MPPED2: variants seen among roughly 807,000 people sequenced by gnomAD.
The protein encoded by MPPED2 is metallophosphoesterase MPPED2.
In MPPED2, 5 loss-of-function variants were observed where a neutral mutation model predicts 33.0. The ratio of observed to expected loss-of-function variants is 0.15; its 90% CI spans 0.08 to 0.32. MPPED2 has a LOEUF of 0.32. Among genes scored for constraint, MPPED2 ranks in the 10% least tolerant of loss-of-function variants. The probability of loss-of-function intolerance (pLI) is 1.00; values close to 1 mark genes in which losing one functional copy is unlikely to be tolerated. For synonymous variants in MPPED2, 136 were observed against 141.9 expected (o/e 0.96, Z 0.29); for missense variants, 275 against 372.1 (o/e 0.74, Z 2.15).
In MPPED2 at chr11:30,403,737, A is replaced by T. The variant is rs558501276; in HGVS notation, c.766+10491T>A. On this transcript the variant is annotated intron_variant, in intron 6 of 6. Coordinates refer to the MPPED2 transcript ENST00000448418. ...GACAGTAGTAGATCCTAAAGATGCCATACTTCGGCTTCTCTCAAGGAATTT... is the reference window on the plus strand; with the variant it reads ...GACAGTAGTAGATCCTAAAGATGCCTTACTTCGGCTTCTCTCAAGGAATTT... 2.0e-5 allele frequency among the ~76,000 whole-genome samples: 3 copies of T among 152,316 alleles called. No homozygotes were observed. In the South Asian group the frequency reaches 6.2e-4, roughly 32 times the overall value.
At chr11:30,402,848 T>C (rs974845352) in intron 6 of MPPED2, among the ~76,000 whole-genome samples, 3 of 152,218 alleles carry the variant, frequency 2.0e-5, no homozygotes, top group Non-Finnish European at 2.9e-5. Context: ...AGTTTCTGAA[T>C]CTCAGAACAC....
intron 4 of MPPED2, among the ~76,000 whole-genome samples, chr11:30,473,230 A>G (rs748988514): frequency 6.6e-6 from 1 of 151,848 alleles, no homozygotes. Flanking sequence ...ATGTATCTCT[A>G]TTTCACCTCT....
At chr11:30,556,930 A>G (rs1955987941) in intron 2 of MPPED2, among the ~76,000 whole-genome samples, 1 of 152,090 alleles carries the variant, frequency 6.6e-6, no homozygotes, top group African/African-American at 2.4e-5. Flanking sequence ...CCCCAAAAGC[A>G]GTGTTGAACC....
chr11:30,398,767 T>C (rs574484703), intron 6 of MPPED2, among the ~76,000 whole-genome samples: 1 of 152,260 alleles, frequency 6.6e-6, no homozygotes, highest in South Asian at 2.1e-4. Flanking sequence ...GAAGTACAAA[T>C]ATGCCAAAGT....
At chr11:30,484,035 C>T (rs1590489846) in intron 4 of MPPED2, among the ~76,000 whole-genome samples, 1 of 152,296 alleles carries the variant, frequency 6.6e-6, no homozygotes, top group East Asian at 1.9e-4. Context: ...GTTGACTCTG[C>T]TCTTCTTTTT....
At chr11:30,438,469 G>T (rs1949419735) in intron 4 of MPPED2, among the ~76,000 whole-genome samples, 1 of 152,200 alleles carries the variant, frequency 6.6e-6, no homozygotes, top group African/African-American at 2.4e-5. Flanking sequence ...ATGCAAAGTT[G>T]TCCAACTTCA....
intron 3 of MPPED2, among the ~76,000 whole-genome samples, chr11:30,500,606 T>C (rs1196359427): frequency 6.6e-6 from 1 of 152,160 alleles, no homozygotes. Context: ...CCTCATGAGT[T>C]TTGGCAAAGA....
intron 2 of MPPED2, among the ~76,000 whole-genome samples, chr11:30,568,920 T>A (rs994688265): frequency 1.3e-5 from 2 of 151,118 alleles, no homozygotes; most frequent in African/African-American, 4.9e-5. Flanking sequence ...AAAGGGCTCA[T>A]TTTTTTTTGT....
chr11:30,467,091 T>C (rs539289632), intron 4 of MPPED2, among the ~76,000 whole-genome samples: 83 of 152,320 alleles, frequency 5.4e-4, no homozygotes, highest in African/African-American at 1.9e-3. Flanking sequence ...CCCCTTTGCC[T>C]CAGGGGTGTT....
At chr11:30,509,294 A>G (rs1953010637) in intron 3 of MPPED2, among the ~76,000 whole-genome samples, 1 of 152,224 alleles carries the variant, frequency 6.6e-6, no homozygotes. Flanking sequence ...GAATAAATGA[A>G]CTATATACAT....
chr11:30,442,951 C>T (rs564743), intron 4 of MPPED2, among the ~76,000 whole-genome samples: 2 of 151,998 alleles, frequency 1.3e-5, no homozygotes, highest in Non-Finnish European at 2.9e-5. Flanking sequence ...TATGATCACA[C>T]CACTGCACGC....
At chr11:30,411,809 T>C (rs1042120584) in intron 6 of MPPED2, among the ~76,000 whole-genome samples, 7 of 152,208 alleles carry the variant, frequency 4.6e-5, no homozygotes, top group African/African-American at 1.7e-4. Context: ...AATTTTTTTT[T>C]CTTTATTTAA....
In MPPED2 at chr11:30,411,454, G is replaced by A; in HGVS notation, c.*14C>T. ...ATAGACCTTCCCTCACATTCCAATA[G>A]GGCATTTAGAGCTTCAGGAACCCTG... On this transcript the variant is annotated 3_prime_UTR_variant, in exon 7 of 7. Transcript: ENST00000358117. 1 of 1,610,748 alleles carries A rather than the reference G, an allele frequency of 6.2e-7. No homozygotes were observed. The highest frequency in any genetic ancestry group is 8.5e-7 in the Non-Finnish European group (1 of 1,177,690).
At chr11:30,539,575 A>G (rs1348869595) in intron 2 of MPPED2, among the ~76,000 whole-genome samples, 1 of 152,026 alleles carries the variant, frequency 6.6e-6, no homozygotes, top group Non-Finnish European at 1.5e-5. Context: ...TTCCCTCTAG[A>G]CGACATAATG....
chr11:30,453,968 T>G (rs1003652438), intron 4 of MPPED2, among the ~76,000 whole-genome samples: 4 of 152,140 alleles, frequency 2.6e-5, no homozygotes, highest in African/African-American at 9.7e-5. Context: ...ACAAAGGAGT[T>G]CTGGGGAGTG....
chr11:30,386,620 A>G, exon 7 of MPPED2: 2 of 398,096 alleles, frequency 5.0e-6, no homozygotes, highest in South Asian at 1.3e-4. Context: ...CACCTAGAAC[A>G]GTGTCTAGCA....
At chr11:30,401,094 T>C (rs951432148) in intron 6 of MPPED2, among the ~76,000 whole-genome samples, 1 of 152,232 alleles carries the variant, frequency 6.6e-6, no homozygotes, top group African/African-American at 2.4e-5. Context: ...AATTTACTGA[T>C]ACCTTTTTCC....
chr11:30,411,660 G>A, intron 6 of MPPED2, 74 bp from the exon 7 acceptor site: 11 of 1,361,008 alleles, frequency 8.1e-6, no homozygotes, highest in Admixed American at 4.4e-5. Context: ...TGTCAGGCAA[G>A]GAAAACAAAA....
At chr11:30,490,010 G>C (rs191530737) in intron 4 of MPPED2, among the ~76,000 whole-genome samples, 1 of 152,084 alleles carries the variant, frequency 6.6e-6, no homozygotes, top group Admixed American at 6.5e-5. Context: ...TAAAAAGCTG[G>C]CTACAGATTC....
Sources: gnomAD v4.1 joint callset for allele counts (sites outside exome capture counted in the v4.1 genomes callset) on GRCh38, gnomAD v4.1.1 for gene constraint, MANE v1.5 for transcripts, NCBI Gene and HGNC (gene_info 2026-07-23, HGNC 2026-07-21) for gene names.